The following C2CD2 variants were observed in gnomAD, a reference collection of about 807,000 sequenced individuals.
C2CD2 encodes the protein C2 domain-containing protein 2.
A neutral mutation model predicts 74.3 loss-of-function variants in C2CD2; 43 were observed. The ratio of observed to expected loss-of-function variants is 0.58; its 90% CI spans 0.45 to 0.75. The LOEUF (loss-of-function observed/expected upper bound fraction) is 0.75, where lower values mean the gene tolerates loss of function less well. Ranked by LOEUF, C2CD2 falls within the 30% of genes least tolerant of loss-of-function variation. The probability of loss-of-function intolerance (pLI) is 0.00; values close to 1 mark genes in which losing one functional copy is unlikely to be tolerated. For missense variants in C2CD2, 801 were observed against 916.3 expected (o/e 0.87, Z 1.63); for synonymous variants, 422 against 390.7 (o/e 1.08, Z -0.94).
chr21:41,947,016 G>A (rs1458102614), intron 1 of C2CD2, among the ~76,000 whole-genome samples: 1 of 152,114 alleles, frequency 6.6e-6, no homozygotes, highest in Non-Finnish European at 1.5e-5. Flanking sequence ...AAGGAGACAG[G>A]TGGAAAACTG....
chr21:41,925,165 C>G (rs2065196591), intron 2 of C2CD2, among the ~76,000 whole-genome samples: 1 of 152,136 alleles, frequency 6.6e-6, no homozygotes, highest in Non-Finnish European at 1.5e-5. Context: ...AGCCTCCCCT[C>G]AGAATTTGGC....
intron 2 of C2CD2, among the ~76,000 whole-genome samples, chr21:41,935,144 C>A (rs541308730): frequency 6.6e-6 from 1 of 152,308 alleles, no homozygotes; most frequent in South Asian, 2.1e-4. Flanking sequence ...CCTGCCCTGG[C>A]CTTCCAAAGT....
At chr21:41,898,114 C>T (rs1279674677) in intron 13 of C2CD2, among the ~76,000 whole-genome samples, 2 of 152,228 alleles carry the variant, frequency 1.3e-5, no homozygotes, top group African/African-American at 2.4e-5. Context: ...CCTTCGATTT[C>T]CCGACACAGA....
rs578023583 is a variant in C2CD2 at position 41,886,113 on chromosome 21, T to C, written c.*3011A>G. 1.3e-5 allele frequency: 2 copies of C among 152,160 alleles called. No homozygotes were observed. Among genetic ancestry groups the C allele is most frequent in the African/African-American group, 4.8e-5 (2 of 41,510 alleles). 9.4% of individuals were successfully genotyped at this position (152,160 alleles called of 1,614,324 possible). Reference sequence around the variant, plus strand: ...CTTAAACAAAGCAAACGGGGAAGGGTTGCAAGCTCATTAAAACCAACATGA... The same window carrying C: ...CTTAAACAAAGCAAACGGGGAAGGGCTGCAAGCTCATTAAAACCAACATGA... On this transcript the variant is annotated 3_prime_UTR_variant, in exon 14 of 14. Coordinates refer to ENST00000380486, the MANE Select transcript of C2CD2 (RefSeq NM_015500.2).
chr21:41,920,562 TTTAA>T (rs1244402435), intron 3 of C2CD2, among the ~76,000 whole-genome samples: 1 of 152,252 alleles, frequency 6.6e-6, no homozygotes. Flanking sequence ...AAAAGTGCAC[TTTAA>T]TTGTTTTGAC....
At position 41,889,147 on chromosome 21, in the gene C2CD2, C is replaced by T. The variant is rs766127607; in HGVS notation, c.2068G>A (p.Ala690Thr). The T allele has an allele frequency of 2.5e-6, 4 of 1,612,174 alleles. No individual in the cohort carries two copies. In the South Asian group the frequency reaches 3.3e-5, roughly 13 times the overall value. ...CCCTACGTGCAGGGCTCCACGGGGG[C>T]ACCGTTCATGGTGTTCTTGTTTCTG... ...RHRNKNTMNG[A>T]PVEPCT is the part of the protein sequence containing the mutation. The change falls in exon 14 of 14, where the codon GCC (alanine) becomes ACC (threonine). Residue 690 changes from alanine (A) to threonine (T), a missense_variant. Coordinates refer to ENST00000380486, the MANE Select transcript of C2CD2 (RefSeq NM_015500.2).
rs9977215 is a variant in C2CD2 at position 41,923,081 on chromosome 21, C to T, written c.379-996G>A. On this transcript the variant is annotated intron_variant, in intron 2 of 13. Coordinates refer to ENST00000380486, the MANE Select transcript of C2CD2 (RefSeq NM_015500.2). This position sits in a 1 kb window ranked among gnomAD's most constrained non-coding sequence, Gnocchi z 5.8. The stretch of plus-strand genomic sequence containing the variant: ...CACAATCTTAGCTCACTGCAACCTC[C>T]GCCTCCCGGGTTCACACGATTCTCC... 0.32 allele frequency among the ~76,000 whole-genome samples: 47,774 copies of T among 151,490 alleles called. 8,733 individuals are homozygous for T. The highest frequency in any genetic ancestry group is 0.41 in the Non-Finnish European group (27,835 of 67,834).
At chr21:41,937,014 T>G (rs1298942613) in intron 2 of C2CD2, among the ~76,000 whole-genome samples, 1 of 150,974 alleles carries the variant, frequency 6.6e-6, no homozygotes, top group African/African-American at 2.4e-5. Flanking sequence ...AGATGGGGGG[T>G]TTCACCATGT....
At chr21:41,919,842 A>C (rs968060678) in intron 3 of C2CD2, among the ~76,000 whole-genome samples, 1 of 152,226 alleles carries the variant, frequency 6.6e-6, no homozygotes, top group African/African-American at 2.4e-5. Flanking sequence ...TACAGGGCAC[A>C]GGAGACTTGG....
At chr21:41,920,236 C>T (rs938374859) in intron 3 of C2CD2, among the ~76,000 whole-genome samples, 3 of 152,214 alleles carry the variant, frequency 2.0e-5, no homozygotes, top group Non-Finnish European at 4.4e-5. Flanking sequence ...GCCTCCTTCA[C>T]GATGGCATCA....
At chr21:41,904,426 C>A (rs2064936440) in intron 11 of C2CD2, among the ~76,000 whole-genome samples, 1 of 152,186 alleles carries the variant, frequency 6.6e-6, no homozygotes, top group African/African-American at 2.4e-5. Context: ...GGTTCTCTGC[C>A]TACAGAGTAG....
Position 41,953,568 on chromosome 21 carries a change from G to T in C2CD2, c.81C>A (p.Ala27=), listed in dbSNP as rs1271920536. The T allele has an allele frequency of 1.3e-6, 2 of 1,499,264 alleles. No individual in the cohort carries two copies. Among genetic ancestry groups the T allele is most frequent in the East Asian group, 2.9e-5 (1 of 35,048 alleles). 92.9% of individuals were successfully genotyped at this position (1,499,264 alleles called of 1,614,324 possible). ...ALVSLFVAAL[A]TVGLYLAQWA... ...ACTGCGCCAGGTACAGGCCTACCGT[G>T]GCCAGGGCCGCGACGAAGAGCGACA... The change falls in exon 1 of 14, where the codon GCC becomes GCA. Residue 27 remains alanine, a synonymous_variant. Coordinates refer to ENST00000380486, the MANE Select transcript of C2CD2 (RefSeq NM_015500.2).
chr21:41,942,855 G>T, intron 1 of C2CD2: 1 of 449,904 alleles, frequency 2.2e-6, no homozygotes, highest in Non-Finnish European at 2.9e-6. Context: ...CCTGGTGGCT[G>T]CCCACAGAGT....
intron 2 of C2CD2, among the ~76,000 whole-genome samples, chr21:41,928,544 C>CAAAAAAAAAAAAAAAAA (rs59346777): frequency 1.5e-4 from 11 of 72,260 alleles, no homozygotes; most frequent in African/African-American, 4.8e-4. Flanking sequence ...TAAAGCAAAG[C>CAAAAAAAAAAAAAAAAA]AAAAAAAAAA....
rs537123941 is a variant in C2CD2 at position 41,940,135 on chromosome 21, C to T, written c.378+2012G>A. On this transcript the variant is annotated intron_variant, in intron 2 of 13. Coordinates refer to ENST00000380486, the MANE Select transcript of C2CD2 (RefSeq NM_015500.2). ...AAAATCCAAAAAAAGATCTGATACCCGAAACACTCCTGGCCCCAAGAATTT... is the reference window on the plus strand; with the variant it reads ...AAAATCCAAAAAAAGATCTGATACCTGAAACACTCCTGGCCCCAAGAATTT... Among the ~76,000 whole-genome samples, 258 of 152,180 alleles carry T rather than the reference C, an allele frequency of 1.7e-3. 1 individual carries two copies. The highest frequency in any genetic ancestry group is 2.6e-3 in the Non-Finnish European group (178 of 68,008).
intron 1 of C2CD2, 53 bp downstream of exon 1, chr21:41,953,317 G>A (rs555238802): frequency 1.6e-6 from 2 of 1,278,054 alleles, no homozygotes; most frequent in African/African-American, 3.1e-5. Flanking sequence ...CCTCGGCCCG[G>A]ACCGCCCGCC....
chr21:41,931,793 C>T (rs2146213340), intron 2 of C2CD2, among the ~76,000 whole-genome samples: 1 of 150,074 alleles, frequency 6.7e-6, no homozygotes, highest in East Asian at 2.0e-4. Context: ...GGGCTGGTCA[C>T]TTGAGAAACT....
chr21:41,929,053 G>A lies in C2CD2; in HGVS notation c.379-6968C>T, dbSNP rs926878358. 6.6e-6 allele frequency among the ~76,000 whole-genome samples: 1 copy of A among 151,564 alleles called. No homozygotes were observed. Among genetic ancestry groups the A allele is most frequent in the African/African-American group, 2.4e-5 (1 of 41,204 alleles). On this transcript the variant is annotated intron_variant, in intron 2 of 13. Coordinates refer to ENST00000380486, the MANE Select transcript of C2CD2 (RefSeq NM_015500.2). This position sits in a 1 kb window ranked among gnomAD's most constrained non-coding sequence, Gnocchi z 4.6. The stretch of plus-strand genomic sequence containing the variant: ...TCACTTGAGTCCATGAGTTTAAAAT[G>A]AGCCTGGGCAATATAGTGAGATCCC...
At chr21:41,948,702 A>T (rs374041329) in intron 1 of C2CD2, among the ~76,000 whole-genome samples, 1 of 151,960 alleles carries the variant, frequency 6.6e-6, no homozygotes, top group Non-Finnish European at 1.5e-5. Flanking sequence ...TTCCTACACC[A>T]CAGCCACTGT....
Sources: allele counts gnomAD v4.1 joint callset (sites outside exome capture counted in the v4.1 genomes callset), GRCh38; gene constraint gnomAD v4.1.1; non-coding constraint Gnocchi (gnomAD v3.1); transcripts MANE v1.5; gene names NCBI Gene and HGNC (gene_info 2026-07-23, HGNC 2026-07-21).